The following PWWP2B variants were observed in gnomAD, a reference collection of about 807,000 sequenced individuals.
PWWP2B encodes PWWP domain-containing protein 2B.
In PWWP2B, 9 loss-of-function variants were observed where a neutral mutation model predicts 15.5. That is an observed-to-expected ratio of 0.58 (90% CI 0.35 to 1.02). The LOEUF (loss-of-function observed/expected upper bound fraction) is 1.02, where lower values mean the gene tolerates loss of function less well. PWWP2B is among the 50% of genes least tolerant of loss of function. The probability of loss-of-function intolerance (pLI) is 0.02; values close to 1 mark genes in which losing one functional copy is unlikely to be tolerated. For synonymous variants in PWWP2B, 474 were observed against 403.6 expected (o/e 1.17, Z -2.09); for missense variants, 864 against 865.3 (o/e 1.00, Z 0.02).
intron 1 of PWWP2B, 113 bp from the exon 2 acceptor site, chr10:132,404,513 C>A (rs1035431167): frequency 1.1e-6 from 1 of 881,384 alleles, no homozygotes; most frequent in Non-Finnish European, 1.9e-6. Flanking sequence ...GGGCATGGCT[C>A]GCTGCCCAGA....
Position 132,406,199 on chromosome 10 carries a change from A to G in PWWP2B, c.1699A>G (p.Ile567Val), listed in dbSNP as rs906867824. Residue 567 changes from isoleucine to valine, a missense_variant, in exon 2 of 3, where the codon ATA (isoleucine) becomes GTA (valine). By Grantham distance (29) the Ile-to-Val change is conservative. This residue lies in a region of PWWP2B where 128 missense variants were observed against 177.6 expected (regional missense o/e 0.72). Coordinates refer to ENST00000305233, the MANE Select transcript of PWWP2B (RefSeq NM_138499.4). ...GAAGAAGGGGATGTATCGGAAAGCT[A>G]TAACCGAGGCTGCAAATGCCGCAAG... ...RKKKGMYRKAITEAANAARHV... is the reference protein window; with the variant it reads ...RKKKGMYRKAVTEAANAARHV... 1 of 1,613,226 alleles carries G rather than the reference A, an allele frequency of 6.2e-7. No individual in the cohort carries two copies. The highest frequency in any genetic ancestry group is 8.5e-7 in the Non-Finnish European group (1 of 1,179,946).
intron 2 of PWWP2B, among the ~76,000 whole-genome samples, chr10:132,410,963 C>T (rs2069771224): frequency 6.6e-6 from 1 of 152,224 alleles, no homozygotes; most frequent in East Asian, 1.9e-4. Flanking sequence ...GTACCCAGCA[C>T]AGCCTCCGTC....
Position 132,405,426 on chromosome 10 carries a change from C to T in PWWP2B, c.926C>T (p.Pro309Leu), listed in dbSNP as rs1161080795. Residue 309 changes from proline (P) to leucine (L), a missense_variant, in exon 2 of 3, where the codon CCC (proline) becomes CTC (leucine). This residue lies in a region of PWWP2B where 736 missense variants were observed against 687.7 expected (regional missense o/e 1.07). Coordinates refer to ENST00000305233, the MANE Select transcript of PWWP2B (RefSeq NM_138499.4). ...RESRDRPSCA[P>L]SASIPKLKLT... ...TCCCGGGACCGGCCGTCCTGCGCGC[C>T]CTCGGCCTCCATCCCCAAGTTGAAA... The T allele has an allele frequency of 1.1e-5, 17 of 1,610,238 alleles. No individual in the cohort carries two copies. Among genetic ancestry groups the T allele is most frequent in the Non-Finnish European group, 1.4e-5 (17 of 1,179,420 alleles).
intron 2 of PWWP2B, among the ~76,000 whole-genome samples, chr10:132,414,207 G>C (rs1385846271): frequency 6.6e-6 from 1 of 152,224 alleles, no homozygotes; most frequent in Non-Finnish European, 1.5e-5. Flanking sequence ...GCCCGTCCAG[G>C]CTGTCTCCTC....
At chr10:132,411,017 G>A (rs1356697909) in intron 2 of PWWP2B, among the ~76,000 whole-genome samples, 2 of 152,206 alleles carry the variant, frequency 1.3e-5, no homozygotes, top group African/African-American at 4.8e-5. Context: ...GACGGTCAGT[G>A]TTCCTGGGGT....
At chr10:132,416,187 G>A (rs1025977551) in intron 2 of PWWP2B, among the ~76,000 whole-genome samples, 10 of 152,160 alleles carry the variant, frequency 6.6e-5, no homozygotes, top group Admixed American at 3.9e-4. Flanking sequence ...ACAGGGGCAG[G>A]TCCCTCCTGC....
intron 2 of PWWP2B, among the ~76,000 whole-genome samples, chr10:132,411,043 T>C (rs2069772593): frequency 6.6e-6 from 1 of 152,162 alleles, no homozygotes; most frequent in South Asian, 2.1e-4. Flanking sequence ...TTGTCTTCTG[T>C]GAGTTTCCTG....
intron 2 of PWWP2B, among the ~76,000 whole-genome samples, chr10:132,415,144 G>A (rs2069828039): frequency 6.6e-6 from 1 of 152,014 alleles, no homozygotes; most frequent in South Asian, 2.1e-4. Flanking sequence ...GTTAGTTAAG[G>A]GCTTTTTCTA....
rs746403288 is a variant in PWWP2B at position 132,404,894 on chromosome 10, C to A, written c.394C>A (p.Leu132Ile). The change falls in exon 2 of 3, where the codon CTC (leucine) becomes ATC (isoleucine). Residue 132 changes from leucine to isoleucine, a missense_variant. By Grantham distance (5) the Leu-to-Ile change is conservative (BLOSUM62 2). Transcript: ENST00000305233. ...EGAPFPHPLWLRDTYKLWVPQ... is the reference protein window; with the variant it reads ...EGAPFPHPLWIRDTYKLWVPQ... Reference sequence around the variant, plus strand: ...CGCCCCCTTCCCTCACCCGCTGTGGCTCCGGGACACGTACAAGCTGTGGGT... The same window carrying A: ...CGCCCCCTTCCCTCACCCGCTGTGGATCCGGGACACGTACAAGCTGTGGGT... 1.3e-6 allele frequency: 2 copies of A among 1,594,514 alleles called. No homozygotes were observed. Among genetic ancestry groups the A allele is most frequent in the African/African-American group, 2.7e-5 (2 of 74,740 alleles).
chr10:132,409,162 C>T (rs2069743954), intron 2 of PWWP2B, among the ~76,000 whole-genome samples: 1 of 152,220 alleles, frequency 6.6e-6, no homozygotes, highest in African/African-American at 2.4e-5. Flanking sequence ...GAGCCGCACT[C>T]CACCCCGGTG....
chr10:132,407,449 G>GT (rs2069714999), intron 2 of PWWP2B, among the ~76,000 whole-genome samples: 1 of 152,204 alleles, frequency 6.6e-6, no homozygotes, highest in South Asian at 2.1e-4. Context: ...AGGCCTTAGA[G>GT]TTTCCCAGGT....
chr10:132,415,656 T>C (rs1243493745), intron 2 of PWWP2B, among the ~76,000 whole-genome samples: 3 of 115,420 alleles, frequency 2.6e-5, no homozygotes, highest in African/African-American at 8.7e-5. Context: ...CACACACACA[T>C]GCACTCACAC....
intron 2 of PWWP2B, among the ~76,000 whole-genome samples, chr10:132,412,454 C>G (rs2069793879): frequency 6.6e-6 from 1 of 152,192 alleles, no homozygotes; most frequent in Non-Finnish European, 1.5e-5. Context: ...GGGGCTCACT[C>G]TCTTACCAGG....
chr10:132,398,225 G>A (rs961940147), intron 1 of PWWP2B, among the ~76,000 whole-genome samples: 7 of 152,254 alleles, frequency 4.6e-5, no homozygotes, highest in Non-Finnish European at 8.8e-5. Context: ...CTGGTGACAT[G>A]AATTAGCAGA....
At position 132,397,298 on chromosome 10, in the gene PWWP2B, G is replaced by A. The variant is rs769484191; in HGVS notation, c.72G>A (p.Thr24=). 63 of 1,428,142 alleles carry A rather than the reference G, an allele frequency of 4.4e-5. No homozygotes were observed. The highest frequency in any genetic ancestry group is 1.2e-4 in the African/African-American group (8 of 68,236). 88.5% of individuals were successfully genotyped at this position (1,428,142 alleles called of 1,614,324 possible). ...EQVVNGALVV[T]VSCGERSFAG... ...TCGTCAACGGCGCGCTGGTGGTCAC[G>A]GTGAGCTGCGGCGAGCGGAGCTTCG... The change falls in exon 1 of 3, where the codon ACG becomes ACA. Residue 24 remains threonine (T), a synonymous_variant. Transcript: ENST00000305233.
chr10:132,413,436 C>T (rs908057194), intron 2 of PWWP2B, among the ~76,000 whole-genome samples: 1 of 152,172 alleles, frequency 6.6e-6, no homozygotes, highest in Non-Finnish European at 1.5e-5. Flanking sequence ...TCGCCCTGCC[C>T]GTCTTTTTGT....
In PWWP2B at chr10:132,397,319, C is replaced by T; in HGVS notation, c.93C>T (p.Ser31=). The T allele has an allele frequency of 7.0e-7, 1 of 1,432,582 alleles. No individual in the cohort carries two copies. The highest frequency in any genetic ancestry group is 9.2e-7 in the Non-Finnish European group (1 of 1,082,892). The allele number at this position is 1,432,582 out of a possible 1,614,324, so 88.7% of individuals were successfully genotyped here. A position where few individuals can be genotyped will look rare whatever the true frequency, so the allele number is the denominator to read the frequency against. ...TCACGGTGAGCTGCGGCGAGCGGAGCTTCGCGGGGATCCTGCTGGACTGCA... is the reference window on the plus strand; with the variant it reads ...TCACGGTGAGCTGCGGCGAGCGGAGTTTCGCGGGGATCCTGCTGGACTGCA... ...LVVTVSCGER[S]FAGILLDCTK... is the part of the protein sequence containing the mutation. The change falls in exon 1 of 3, where the codon AGC becomes AGT. Residue 31 remains serine (S), a synonymous_variant. Transcript: ENST00000305233.
chr10:132,409,400 A>G (rs1554907692), intron 2 of PWWP2B, among the ~76,000 whole-genome samples: 1 of 152,180 alleles, frequency 6.6e-6, no homozygotes, highest in Non-Finnish European at 1.5e-5. Flanking sequence ...CAGGCACCGG[A>G]CATGCAGGGT....
At chr10:132,397,525 G>T (rs1393255697) in intron 1 of PWWP2B, among the ~76,000 whole-genome samples, 174 bp downstream of exon 1, 3 of 151,324 alleles carry the variant, frequency 2.0e-5, no homozygotes, top group African/African-American at 7.3e-5. Flanking sequence ...CACTCGGGGG[G>T]GCAAAAGTGG....
Sources: gnomAD v4.1 joint callset for allele counts (sites outside exome capture counted in the v4.1 genomes callset) on GRCh38, gnomAD v4.1.1 for gene constraint, gnomAD v4.1.1 regional missense constraint, MANE v1.5 for transcripts, NCBI Gene and HGNC (gene_info 2026-07-23, HGNC 2026-07-21) for gene names.